Variants in OR2AJ1 observed in about 807,000 individuals in gnomAD.
OR2AJ1 encodes olfactory receptor family 2 subfamily AJ member 1.
For missense variants in OR2AJ1, 280 were observed against 163.2 expected (o/e 1.72, Z -3.90); for synonymous variants, 105 against 60.3 (o/e 1.74, Z -3.44).
chr1:247,927,880 A>G (rs1660110677), intron 1 of OR2AJ1, among the ~76,000 whole-genome samples: 1 of 152,190 alleles, frequency 6.6e-6, no homozygotes. Flanking sequence ...ACTGAATAGT[A>G]TTCCATTGTG....
chr1:247,925,795 A>C (rs143494273), intron 1 of OR2AJ1, among the ~76,000 whole-genome samples: 250 of 152,312 alleles, frequency 1.6e-3, no homozygotes, highest in African/African-American at 4.5e-3. Context: ...TACTTTGAGT[A>C]AAACATACTG....
At chr1:247,927,163 T>C (rs1660100293) in intron 1 of OR2AJ1, among the ~76,000 whole-genome samples, 1 of 152,210 alleles carries the variant, frequency 6.6e-6, no homozygotes, top group South Asian at 2.1e-4. Flanking sequence ...GTAGAACAGG[T>C]AACAGAGTTA....
chr1:247,934,992 G>A lies in OR2AJ1; in HGVS notation c.*237G>A, dbSNP rs1465022163. The A allele has an allele frequency of 5.3e-6, 2 of 377,638 alleles. No homozygotes were observed. Among genetic ancestry groups the A allele is most frequent in the Admixed American group, 8.5e-5 (2 of 23,478 alleles). The allele number at this position is 377,638 out of a possible 1,614,324, so 23.4% of individuals were successfully genotyped here. On this transcript the variant is annotated 3_prime_UTR_variant, in exon 2 of 2. Transcript: ENST00000318244. ...CGTCCTATTCCCTAACACCAAAATT[G>A]TAAGACTTATGAGAATATCCCTAAA...
Position 247,934,795 on chromosome 1 carries a change from A to G in OR2AJ1, c.*40A>G. 2 of 631,634 alleles carry G rather than the reference A, an allele frequency of 3.2e-6. No individual in the cohort carries two copies. Among genetic ancestry groups the G allele is most frequent in the Admixed American group, 2.8e-5 (1 of 36,340 alleles). The allele number at this position is 631,634 out of a possible 1,614,324, so 39.1% of individuals were successfully genotyped here. A position where few individuals can be genotyped will look rare whatever the true frequency, so the allele number is the denominator to read the frequency against. ...CTCATGAGAGGTTTCCTAGAAAGAA[A>G]TCAAAGCTTCTATCTTACCACATAT... On this transcript the variant is annotated 3_prime_UTR_variant, in exon 2 of 2. Transcript: ENST00000318244.
Position 247,925,707 on chromosome 1 carries a change from G to A in OR2AJ1, c.-23+539G>A, listed in dbSNP as rs139788647. On this transcript the variant is annotated intron_variant, in intron 1 of 1. Coordinates refer to ENST00000318244, the MANE Select transcript of OR2AJ1 (RefSeq NM_001355235.2). ...TTAGGACTGAAATGGATTTATACAG[G>A]GAGAAATTTGAGGCAGGGAATTAAC... 1.2e-3 allele frequency among the ~76,000 whole-genome samples: 187 copies of A among 152,234 alleles called. 2 individuals carry two copies. The highest frequency in any genetic ancestry group is 4.2e-3 in the African/African-American group (176 of 41,542).
intron 1 of OR2AJ1, among the ~76,000 whole-genome samples, chr1:247,927,673 T>C (rs1318191467): frequency 2.0e-5 from 3 of 152,166 alleles, no homozygotes; most frequent in African/African-American, 7.2e-5. Context: ...CTCTCTTCTC[T>C]TAGGCCCTCG....
intron 1 of OR2AJ1, among the ~76,000 whole-genome samples, chr1:247,931,671 AAGG>A (rs1357074759): frequency 6.6e-6 from 1 of 152,206 alleles, no homozygotes; most frequent in East Asian, 1.9e-4. Context: ...AAATACAGAG[AAGG>A]AGAATTTATG....
chr1:247,931,293 G>A (rs1660150385), intron 1 of OR2AJ1, among the ~76,000 whole-genome samples: 2 of 152,188 alleles, frequency 1.3e-5, no homozygotes, highest in Admixed American at 6.5e-5. Context: ...TGGGGAACAA[G>A]CTATAGGATA....
chr1:247,929,465 CA>C (rs1660128559), intron 1 of OR2AJ1, among the ~76,000 whole-genome samples: 1 of 151,978 alleles, frequency 6.6e-6, no homozygotes, highest in Non-Finnish European at 1.5e-5. Flanking sequence ...TAACCCCTTA[CA>C]TGTGTATTTA....
At chr1:247,929,041 A>C (rs1660123963) in intron 1 of OR2AJ1, among the ~76,000 whole-genome samples, 1 of 152,216 alleles carries the variant, frequency 6.6e-6, no homozygotes, top group Non-Finnish European at 1.5e-5. Flanking sequence ...CAAGGAGAAG[A>C]CATGTGGTCA....
rs541390281 is a variant in OR2AJ1, at chr1:247,933,768, G to C, written c.-1G>C. 17 of 578,602 alleles carry C rather than the reference G, an allele frequency of 2.9e-5. No individual in the cohort carries two copies. The highest frequency in any genetic ancestry group is 2.3e-4 in the Admixed American group (7 of 29,874). 35.8% of individuals were successfully genotyped at this position (578,602 alleles called of 1,614,324 possible). A position where few individuals can be genotyped will look rare whatever the true frequency, so the allele number is the denominator to read the frequency against. ...TTAGGTTAAAAAATAGAGAATTCAT[G>C]ATGGGCCATCAGAATCACACTTTCA... On this transcript the variant is annotated 5_prime_UTR_variant, in exon 2 of 2. The change abolishes an upstream ATG in the 5' untranslated region. Coordinates refer to ENST00000318244, the MANE Select transcript of OR2AJ1 (RefSeq NM_001355235.2).
chr1:247,932,928 C>T (rs1185642729), intron 1 of OR2AJ1, among the ~76,000 whole-genome samples: 6 of 152,172 alleles, frequency 3.9e-5, no homozygotes, highest in South Asian at 2.1e-4. Context: ...TAACCAAACA[C>T]GTAAATATGA....
At chr1:247,927,977 C>T (rs1660111633) in intron 1 of OR2AJ1, among the ~76,000 whole-genome samples, 1 of 152,178 alleles carries the variant, frequency 6.6e-6, no homozygotes, top group African/African-American at 2.4e-5. Flanking sequence ...CAGTGTGGCA[C>T]TAAACATTGA....
Position 247,934,354 on chromosome 1 carries a change from G to A in OR2AJ1, c.586G>A (p.Glu196Lys), listed in dbSNP as rs1381122096. 1 of 727,788 alleles carries A rather than the reference G, an allele frequency of 1.4e-6. No homozygotes were observed. Among genetic ancestry groups the A allele is most frequent in the East Asian group, 2.6e-5 (1 of 38,144 alleles). The allele number at this position is 727,788 out of a possible 1,614,324, so 45.1% of individuals were successfully genotyped here. Residue 196 changes from glutamate (E) to lysine (K), a missense_variant, in exon 2 of 2, where the codon GAA becomes AAA. Glu to Lys is a moderately conservative substitution (Grantham distance 56, BLOSUM62 1). Coordinates refer to ENST00000318244, the MANE Select transcript of OR2AJ1 (RefSeq NM_001355235.2). The part of the protein sequence containing the change: ...KLSCADTTRY[E>K]RGVCVSAVIF... Reference sequence around the variant, plus strand: ...GTCCTGTGCAGACACAACACGCTATGAACGAGGGGTTTGTGTAAGTGCTGT... The same window carrying A: ...GTCCTGTGCAGACACAACACGCTATAAACGAGGGGTTTGTGTAAGTGCTGT...
chr1:247,934,578 G>A lies in OR2AJ1; in HGVS notation c.810G>A (p.Gln270=). 1 of 717,784 alleles carries A rather than the reference G, an allele frequency of 1.4e-6. No homozygotes were observed. The highest frequency in any genetic ancestry group is 2.6e-6 in the Non-Finnish European group (1 of 385,156). The allele number at this position is 717,784 out of a possible 1,614,324, so 44.5% of individuals were successfully genotyped here. Residue 270 remains glutamine (Q), a synonymous_variant, in exon 2 of 2, where the codon CAG becomes CAA. Coordinates refer to ENST00000318244, the MANE Select transcript of OR2AJ1 (RefSeq NM_001355235.2). ...CTAAATCATACCACACTCCAGGCCA[G>A]GATAAGTTCCTGGCAATATTCTATA... The part of the protein sequence containing the change: ...MRPKSYHTPG[Q]DKFLAIFYTI...
intron 1 of OR2AJ1, among the ~76,000 whole-genome samples, chr1:247,932,813 CTT>C (rs1660168771): frequency 6.6e-6 from 1 of 151,962 alleles, no homozygotes; most frequent in South Asian, 2.1e-4. Flanking sequence ...ACAAATAACT[CTT>C]ATGTAAACAT....
At chr1:247,930,151 T>C (rs747454784) in intron 1 of OR2AJ1, among the ~76,000 whole-genome samples, 65 of 152,178 alleles carry the variant, frequency 4.3e-4, no homozygotes, top group Non-Finnish European at 8.7e-4. Flanking sequence ...ATTTAGTGAT[T>C]TTCTTTTGTC....
chr1:247,927,497 G>GGTGTGT lies in OR2AJ1; in HGVS notation c.-23+2346_-23+2351dup, dbSNP rs55762045. Among the ~76,000 whole-genome samples, 4 of 148,440 alleles carry GGTGTGT rather than the reference G, an allele frequency of 2.7e-5. No homozygotes were observed. The East Asian group carries it at 7.8e-4, about 29-fold the overall frequency. On this transcript the variant is annotated intron_variant, in intron 1 of 1. Transcript: ENST00000318244. ...TATTAATCACCTTAAACATTTAGGG[G>GGTGTGT]GTGTGTGTGTGTGTGTGTGTGTTGG...
At position 247,934,235 on chromosome 1, in the gene OR2AJ1, C is replaced by T. The variant is rs1211851796; in HGVS notation, c.467C>T (p.Ser156Phe). The T allele has an allele frequency of 1.4e-6, 1 of 719,714 alleles. No individual in the cohort carries two copies. The highest frequency in any genetic ancestry group is 2.6e-6 in the Non-Finnish European group (1 of 386,452). 44.6% of individuals were successfully genotyped at this position (719,714 alleles called of 1,614,324 possible). ...TCCTGGCTCATTGGGGTTTTCAACT[C>T]CACAGTCCACACAGCTTATGCACTG... ...GGSWLIGVFN[S>F]TVHTAYALQF... Residue 156 changes from serine (S) to phenylalanine (F), a missense_variant, in exon 2 of 2, where the codon TCC (serine) becomes TTC (phenylalanine). Ser to Phe is a radical substitution (Grantham distance 155). Transcript: ENST00000318244.
Sources: gnomAD v4.1 joint callset for allele counts (sites outside exome capture counted in the v4.1 genomes callset) on GRCh38, gnomAD v4.1.1 for gene constraint, MANE v1.5 for transcripts, NCBI Gene and HGNC (gene_info 2026-07-23, HGNC 2026-07-21) for gene names.